LINC00305: variants seen among roughly 807,000 people sequenced by gnomAD.
The protein encoded by LINC00305 is long independently transcribed non-coding RNA 305.
At chr18:64,082,359 C>T (rs1033777356) in intron 3 of LINC00305, among the ~76,000 whole-genome samples, 1 of 152,038 alleles carries the variant, frequency 6.6e-6, no homozygotes, top group Non-Finnish European at 1.5e-5. Flanking sequence ...CATGGCCCAA[C>T]CAATCAGCAC....
At chr18:64,093,485 C>A (rs982752317) in intron 3 of LINC00305, among the ~76,000 whole-genome samples, 16 of 152,122 alleles carry the variant, frequency 1.1e-4, no homozygotes, top group African/African-American at 3.6e-4. Flanking sequence ...CAGGTGTGTA[C>A]CACCAAGCCC....
intron 1 of LINC00305, among the ~76,000 whole-genome samples, chr18:64,134,544 G>A (rs956009967): frequency 3.9e-5 from 6 of 152,024 alleles, no homozygotes; most frequent in East Asian, 3.9e-4. Context: ...TGTTTATTTC[G>A]CCCCAAGCTG....
intron 1 of LINC00305, among the ~76,000 whole-genome samples, chr18:64,109,120 A>C (rs951080209): frequency 1.3e-5 from 2 of 152,192 alleles, no homozygotes; most frequent in African/African-American, 4.8e-5. Flanking sequence ...ATTTGAGAAA[A>C]ATGTATTTGA....
At chr18:64,125,695 T>C (rs923599868) in intron 1 of LINC00305, among the ~76,000 whole-genome samples, 1 of 152,132 alleles carries the variant, frequency 6.6e-6, no homozygotes, top group Non-Finnish European at 1.5e-5. Context: ...ACAGTGAGTC[T>C]GATACTTATT....
At chr18:64,080,685 G>C (rs2051181566) in intron 3 of LINC00305, among the ~76,000 whole-genome samples, 1 of 152,058 alleles carries the variant, frequency 6.6e-6, no homozygotes, top group African/African-American at 2.4e-5. Context: ...AAAATTGAAA[G>C]ATAATCTCTG....
At chr18:64,084,080 G>A (rs887306221) in intron 3 of LINC00305, among the ~76,000 whole-genome samples, 3 of 152,104 alleles carry the variant, frequency 2.0e-5, no homozygotes, top group Non-Finnish European at 2.9e-5. Context: ...CACTCTCCTC[G>A]TCTTGTGTTC....
chr18:64,094,629 G>T (rs2051237683), intron 3 of LINC00305, among the ~76,000 whole-genome samples: 1 of 152,154 alleles, frequency 6.6e-6, no homozygotes, highest in Non-Finnish European at 1.5e-5. Flanking sequence ...TTGGGAGGCT[G>T]AGGGGGGCAG....
chr18:64,093,020 G>A (rs1302291503), intron 3 of LINC00305, among the ~76,000 whole-genome samples: 1 of 152,294 alleles, frequency 6.6e-6, no homozygotes, highest in Admixed American at 6.5e-5. Context: ...TTAAATGGCT[G>A]TGGAGGACAG....
intron 1 of LINC00305, among the ~76,000 whole-genome samples, chr18:64,146,057 T>C (rs2051496379): frequency 6.6e-6 from 1 of 150,988 alleles, no homozygotes; most frequent in Non-Finnish European, 1.5e-5. Flanking sequence ...CCACAGGCTA[T>C]CTTAGTAATT....
chr18:64,107,807 G>T (rs570737642), intron 1 of LINC00305, among the ~76,000 whole-genome samples: 2 of 152,314 alleles, frequency 1.3e-5, no homozygotes, highest in Admixed American at 1.3e-4. Context: ...GAGGATTAAA[G>T]GTCGGTGAGG....
intron 1 of LINC00305, among the ~76,000 whole-genome samples, chr18:64,142,439 A>G (rs1313276489): frequency 6.6e-6 from 1 of 152,130 alleles, no homozygotes; most frequent in Non-Finnish European, 1.5e-5. Flanking sequence ...GAGGATTGTG[A>G]GCCTCTTGGC....
At chr18:64,129,859 T>A (rs2051401472) in intron 1 of LINC00305, among the ~76,000 whole-genome samples, 1 of 151,940 alleles carries the variant, frequency 6.6e-6, no homozygotes, top group Non-Finnish European at 1.5e-5. Context: ...AGAGGTTAAA[T>A]TCAAAACACT....
intron 3 of LINC00305, among the ~76,000 whole-genome samples, chr18:64,085,199 T>C (rs530059813): frequency 1.3e-5 from 2 of 152,300 alleles, no homozygotes; most frequent in Admixed American, 1.3e-4. Context: ...TTTCATTACA[T>C]TGCTTATTCA....
At chr18:64,128,297 C>T (rs1202561985) in intron 1 of LINC00305, among the ~76,000 whole-genome samples, 1 of 152,048 alleles carries the variant, frequency 6.6e-6, no homozygotes. Flanking sequence ...GCTTATTTGA[C>T]CCAAATGAGG....
chr18:64,100,600 G>A (rs968904826), intron 1 of LINC00305, among the ~76,000 whole-genome samples: 1 of 152,172 alleles, frequency 6.6e-6, no homozygotes, highest in African/African-American at 2.4e-5. Flanking sequence ...TAAAGTCTTT[G>A]AATGAATTGA....
chr18:64,085,910 T>A (rs2051201540), intron 3 of LINC00305, among the ~76,000 whole-genome samples: 1 of 152,240 alleles, frequency 6.6e-6, no homozygotes, highest in South Asian at 2.1e-4. Context: ...TAAATGGGAA[T>A]TGCCTTTCTT....
intron 1 of LINC00305, among the ~76,000 whole-genome samples, chr18:64,105,190 G>T (rs1178083239): frequency 6.6e-6 from 1 of 152,164 alleles, no homozygotes; most frequent in Non-Finnish European, 1.5e-5. Context: ...GCCGGGTGTG[G>T]TGTCTCACGG....
At position 64,116,444 on chromosome 18, in the gene LINC00305, T is replaced by C. The variant is rs866631697; in HGVS notation, n.315-17804A>G. On this transcript the variant is annotated intron_variant and non_coding_transcript_variant, in intron 1 of 3. Transcript: ENST00000666468. ...ATATAAACATCTTAAGAATATTTAT[T>C]TCATAAGATTGACATTAACCGTTGA... 7.2e-5 allele frequency among the ~76,000 whole-genome samples: 11 copies of C among 152,342 alleles called. No individual in the cohort carries two copies. The South Asian group carries it at 1.4e-3, about 20-fold the overall frequency.
At chr18:64,103,906 C>A (rs1478121809) in intron 1 of LINC00305, among the ~76,000 whole-genome samples, 1 of 152,142 alleles carries the variant, frequency 6.6e-6, no homozygotes, top group Non-Finnish European at 1.5e-5. Flanking sequence ...CAGTTACAGG[C>A]ACAGAAAGCA....
Sources: gnomAD v4.1 joint callset for allele counts (sites outside exome capture counted in the v4.1 genomes callset) on GRCh38, gnomAD v4.1.1 for gene constraint, MANE v1.5 for transcripts, NCBI Gene and HGNC (gene_info 2026-07-23, HGNC 2026-07-21) for gene names.